The following TJP3 variants were observed in gnomAD, a reference collection of about 807,000 sequenced individuals.
TJP3 encodes the protein tight junction protein 3, also known as tight junction protein ZO-3.
A neutral mutation model predicts 104.2 loss-of-function variants in TJP3; 85 were observed. That is an observed-to-expected ratio of 0.82 (90% confidence interval 0.68 to 0.98). The LOEUF (loss-of-function observed/expected upper bound fraction) is 0.98, where lower values mean the gene tolerates loss of function less well. TJP3 is among the 50% of genes least tolerant of loss of function. The pLI is 0.00. For missense variants in TJP3, 1,367 were observed against 1,322.8 expected, an observed-to-expected ratio of 1.03 and a Z score of -0.52; for synonymous variants, 550 against 550.6, an observed-to-expected ratio of 1.00 and a Z score of 0.02.
chr19:3,710,279 G>A (rs2036422182), intron 1 of TJP3, among the ~76,000 whole-genome samples: 1 of 70,364 alleles, frequency 1.4e-5, no homozygotes, highest in Admixed American at 1.9e-4. Flanking sequence ...ATCCCGGTCC[G>A]AATCGGAGTC....
At chr19:3,739,359 A>G (rs1437071135) in intron 13 of TJP3, among the ~76,000 whole-genome samples, 5 of 152,126 alleles carry the variant, frequency 3.3e-5, no homozygotes, top group Admixed American at 6.6e-5. Context: ...GCGTGGTGGC[A>G]CATGCCTATA....
chr19:3,709,020 G>C (rs570896), intron 1 of TJP3, among the ~76,000 whole-genome samples: 106,068 of 152,028 alleles, frequency 0.7, 37,529 homozygotes, highest in East Asian at 1. Context: ...CCCAAGTTTT[G>C]AAACAACTGC....
At chr19:3,736,935 G>A (rs1294109674) in intron 11 of TJP3, among the ~76,000 whole-genome samples, 2 of 148,826 alleles carry the variant, frequency 1.3e-5, no homozygotes, top group Non-Finnish European at 1.5e-5. Context: ...GCTGGAGTGC[G>A]GGGGTGTGAT....
intron 1 of TJP3, among the ~76,000 whole-genome samples, chr19:3,715,556 CG>C (rs943359644): frequency 2.0e-5 from 3 of 152,062 alleles, no homozygotes; most frequent in Non-Finnish European, 2.9e-5. Context: ...TGAGAGCAGA[CG>C]GTGGGTGGTT....
chr19:3,735,943 C>T lies in TJP3; in HGVS notation c.1127+8C>T, dbSNP rs2145690221. On this transcript the variant is annotated splice_region_variant and intron_variant, in intron 10 of 20. Transcript: ENST00000541714. ...GAGCATGGAGGATCGTGGGTATGTACCCCAGAAGAAAGCAAACCCGCTCAA... is the reference window on the plus strand; with the variant it reads ...GAGCATGGAGGATCGTGGGTATGTATCCCAGAAGAAAGCAAACCCGCTCAA... 6.2e-7 allele frequency: 1 copy of T among 1,614,040 alleles called. No homozygotes were observed. The highest frequency in any genetic ancestry group is 8.5e-7 in the Non-Finnish European group (1 of 1,179,970).
chr19:3,710,324 A>G (rs1196460181), intron 1 of TJP3, among the ~76,000 whole-genome samples: 2 of 151,996 alleles, frequency 1.3e-5, no homozygotes, highest in Admixed American at 1.3e-4. Context: ...TAGAGGATGA[A>G]CCCTGGCTCA....
chr19:3,743,232 C>G (rs1421296344), intron 14 of TJP3, among the ~76,000 whole-genome samples: 1 of 152,026 alleles, frequency 6.6e-6, no homozygotes, highest in Non-Finnish European at 1.5e-5. Flanking sequence ...CCACTGCACT[C>G]CAGCCTGGGC....
rs745463222 is a variant in TJP3 at position 3,730,511 on chromosome 19, C to A, written c.418C>A (p.Arg140Ser). 2.5e-6 allele frequency: 4 copies of A among 1,590,162 alleles called. No homozygotes were observed. The highest frequency in any genetic ancestry group is 2.6e-6 in the Non-Finnish European group (3 of 1,170,136). ...YDGDSSSGSG[R>S]SWDERSRRPR... ...CGGCGACTCATCCAGTGGCTCCGGC[C>A]GCTCCTGGGACGAGCGCTCCCGCCG... The change falls in exon 5 of 21, where the codon CGC becomes AGC. Residue 140 changes from arginine (R) to serine (S), a missense_variant. By Grantham distance (110) the Arg-to-Ser change is moderately radical (BLOSUM62 -1). Coordinates refer to ENST00000541714, the MANE Select transcript of TJP3 (RefSeq NM_001267560.2). The surrounding 1 kb of genome is among the most constrained non-coding windows in gnomAD (Gnocchi z 7.3).
At position 3,728,699 on chromosome 19, in the gene TJP3, G is replaced by A. The variant is rs139547448; in HGVS notation, c.144G>A (p.Ala48=). 4.4e-5 allele frequency: 71 copies of A among 1,613,426 alleles called. No homozygotes were observed. The East Asian group carries it at 6.0e-4, about 14-fold the overall frequency. ...VVSDVVPGGP[A]EGRLQTGDHI... is the part of the protein sequence containing the mutation. ...CTGACGTGGTACCTGGAGGGCCGGC[G>A]GAGGGCAGGCTACAGTGAGTATCCA... The change falls in exon 3 of 21, where the codon GCG becomes GCA. Residue 48 remains alanine, a synonymous_variant. Coordinates refer to ENST00000541714, the MANE Select transcript of TJP3 (RefSeq NM_001267560.2).
chr19:3,711,396 A>G (rs62130629), intron 1 of TJP3, among the ~76,000 whole-genome samples: 100,175 of 140,910 alleles, frequency 0.71, 35,894 homozygotes, highest in East Asian at 1. Context: ...ACAGGGTTTC[A>G]CCGTATTGGT....
chr19:3,720,399 C>G (rs2036530674), intron 1 of TJP3, among the ~76,000 whole-genome samples: 1 of 152,158 alleles, frequency 6.6e-6, no homozygotes. Context: ...TAAGCAAACT[C>G]TTAACCAACC....
intron 1 of TJP3, among the ~76,000 whole-genome samples, chr19:3,710,018 A>G (rs1974623): frequency 0.69 from 105,238 of 151,638 alleles, 37,074 homozygotes; most frequent in East Asian, 1. Flanking sequence ...ATATGGTGGC[A>G]AGCACTTGTA....
chr19:3,730,524 A>G lies in TJP3; in HGVS notation c.431A>G (p.Glu144Gly). Reference protein sequence around the residue: ...SSSGSGRSWDERSRRPRPGRR... With the variant: ...SSSGSGRSWDGRSRRPRPGRR... ...AGTGGCTCCGGCCGCTCCTGGGACGAGCGCTCCCGCCGGCCGAGGCCTGGT... is the reference window on the plus strand; with the variant it reads ...AGTGGCTCCGGCCGCTCCTGGGACGGGCGCTCCCGCCGGCCGAGGCCTGGT... Residue 144 changes from glutamate to glycine, a missense_variant, in exon 5 of 21, where the codon GAG (glutamate) becomes GGG (glycine). By Grantham distance (98) the Glu-to-Gly change is moderately conservative (BLOSUM62 -2). Transcript: ENST00000541714. The surrounding 1 kb of genome is among the most constrained non-coding windows in gnomAD (Gnocchi z 7.3). 1.3e-6 allele frequency: 2 copies of G among 1,593,898 alleles called. No individual in the cohort carries two copies. The highest frequency in any genetic ancestry group is 1.3e-5 in the African/African-American group (1 of 74,574).
At position 3,746,495 on chromosome 19, in the gene TJP3, C is replaced by A. The variant is rs145007194; in HGVS notation, c.2021C>A (p.Ala674Glu). ...GCCGGCCTGGCCCAGGACAAGCATG[C>A]GCTCCTGGATGTGACCCCCTCCGCC... ...VRVIAEKDKH[A>E]LLDVTPSAIE... is the part of the protein sequence containing the mutation. The change falls in exon 17 of 21, where the codon GCG becomes GAG. Residue 674 changes from alanine (A) to glutamate (E), a missense_variant. Coordinates refer to ENST00000541714, the MANE Select transcript of TJP3 (RefSeq NM_001267560.2). The surrounding 1 kb of genome is among the most constrained non-coding windows in gnomAD (Gnocchi z 4.1). The A allele has an allele frequency of 1.9e-6, 3 of 1,613,856 alleles. No homozygotes were observed. The highest frequency in any genetic ancestry group is 1.7e-5 in the Admixed American group (1 of 60,012).
At chr19:3,710,017 C>T (rs1009898769) in intron 1 of TJP3, among the ~76,000 whole-genome samples, 90 of 151,982 alleles carry the variant, frequency 5.9e-4, no homozygotes, top group African/African-American at 2.1e-3. Context: ...AATATGGTGG[C>T]AAGCACTTGT....
rs185436632 is a variant in TJP3, at chr19:3,730,977, G to A, written c.613+271G>A. On this transcript the variant is annotated intron_variant, in intron 5 of 20. Transcript: ENST00000541714. This position sits in a 1 kb window ranked among gnomAD's most constrained non-coding sequence, Gnocchi z 7.3. ...TGGGATTGTGGGCGTGAGCCACCGC[G>A]CCCAGCCTGGAAGCTACAACTACAC... Among the ~76,000 whole-genome samples the A allele has an allele frequency of 2.9e-3, 434 of 152,258 alleles. 1 individual carries two copies. The highest frequency in any genetic ancestry group is 6.3e-3 in the Admixed American group (97 of 15,294).
At chr19:3,717,201 G>A (rs1645138719) in intron 1 of TJP3, among the ~76,000 whole-genome samples, 1 of 145,724 alleles carries the variant, frequency 6.9e-6, no homozygotes, top group Non-Finnish European at 1.5e-5. Context: ...CCAACCTCAG[G>A]TGATCCGCCC....
chr19:3,736,030 G>A, intron 10 of TJP3, 95 bp downstream of exon 10: 1 of 1,583,128 alleles, frequency 6.3e-7, no homozygotes, highest in Non-Finnish European at 8.7e-7. Context: ...TATCCATTGT[G>A]TTGAGTGGGA....
rs61729584 is a variant in TJP3 at position 3,738,663 on chromosome 19, A to C, written c.1393A>C (p.Ile465Leu). Residue 465 changes from isoleucine (I) to leucine (L), a missense_variant and splice_region_variant, in exon 12 of 21, where the codon ATT (isoleucine) becomes CTT (leucine). Physicochemically the swap from Ile to Leu is conservative, Grantham distance 5 (BLOSUM62 2). Transcript: ENST00000541714. ...MELVTQRKQD[I>L]FWKMVQSRVG... ...GCTGGTGACGCAGAGGAAGCAGGAC[A>C]GTGAGTGCGCGTGGATATGGGTGTG... 12 of 1,612,438 alleles carry C rather than the reference A, an allele frequency of 7.4e-6. No homozygotes were observed. The highest frequency in any genetic ancestry group is 1.0e-5 in the Non-Finnish European group (12 of 1,179,350).
Sources: allele counts gnomAD v4.1 joint callset (sites outside exome capture counted in the v4.1 genomes callset), GRCh38; gene constraint gnomAD v4.1.1; non-coding constraint Gnocchi (gnomAD v3.1); transcripts MANE v1.5; gene names NCBI Gene and HGNC (gene_info 2026-07-23, HGNC 2026-07-21).